CHST3: variants seen among roughly 807,000 people sequenced by gnomAD.
The protein encoded by CHST3 is carbohydrate sulfotransferase 3, also known as C6ST-1.
A neutral mutation model predicts 35.4 loss-of-function variants in CHST3; 20 were observed. That is an observed-to-expected ratio of 0.57 (90% CI 0.40 to 0.82). The LOEUF is 0.82. Among genes scored for constraint, CHST3 ranks in the 40% least tolerant of loss-of-function variants. The pLI, the probability that CHST3 is intolerant of heterozygous loss-of-function variation, is 0.00. For missense variants in CHST3, 693 were observed against 670.1 expected (o/e 1.03, Z -0.38); for synonymous variants, 334 against 295.9 (o/e 1.13, Z -1.32).
intron 1 of CHST3, among the ~76,000 whole-genome samples, chr10:71,968,571 C>T (rs1224541124): frequency 1.3e-5 from 2 of 152,174 alleles, no homozygotes; most frequent in Non-Finnish European, 2.9e-5. Flanking sequence ...CTCCAGAACC[C>T]ACCCTGTCTC....
rs373515105 is a variant in CHST3, at chr10:72,009,656, C to G, written c.*1185C>G. The G allele has an allele frequency of 5.2e-5, 8 of 152,420 alleles. No homozygotes were observed. Among genetic ancestry groups the G allele is most frequent in the Non-Finnish European group, 7.3e-5 (5 of 68,132 alleles). The allele number at this position is 152,420 out of a possible 1,614,324, so 9.4% of individuals were successfully genotyped here. ...GAGAAGTCCCACCAGGATGCCCCCC[C>G]TCCCCTGAGAAGCCCGCCTTCTCCC... On this transcript the variant is annotated 3_prime_UTR_variant, in exon 3 of 3. Coordinates refer to ENST00000373115, the MANE Select transcript of CHST3 (RefSeq NM_004273.5).
chr10:72,008,693 G>C lies in CHST3; in HGVS notation c.*222G>C. ...AGGGCCATCACACCCAGACCCAACG[G>C]GTTGCAGCCTCCTGAGCAGGCCTAG... On this transcript the variant is annotated 3_prime_UTR_variant, in exon 3 of 3. Transcript: ENST00000373115. 3 of 922,800 alleles carry C rather than the reference G, an allele frequency of 3.3e-6. No homozygotes were observed. The highest frequency in any genetic ancestry group is 4.6e-6 in the Non-Finnish European group (3 of 656,570). The allele number at this position is 922,800 out of a possible 1,614,324, so 57.2% of individuals were successfully genotyped here.
intron 1 of CHST3, among the ~76,000 whole-genome samples, chr10:71,969,659 G>C (rs4148911): frequency 0.7 from 107,255 of 152,160 alleles, 38,323 homozygotes; most frequent in African/African-American, 0.83. Context: ...AGGGGACACA[G>C]TGACCAGGAC....
At chr10:71,986,319 C>A (rs548792913) in intron 1 of CHST3, among the ~76,000 whole-genome samples, 2 of 152,242 alleles carry the variant, frequency 1.3e-5, no homozygotes, top group African/African-American at 4.8e-5. Flanking sequence ...CCAGGCCACA[C>A]CAATGCAATC....
At chr10:71,981,700 A>G (rs1395805238) in intron 1 of CHST3, among the ~76,000 whole-genome samples, 6 of 152,214 alleles carry the variant, frequency 3.9e-5, no homozygotes, top group African/African-American at 7.2e-5. Context: ...GTTCTGTCCA[A>G]TTCAACAGTC....
chr10:71,991,650 C>T (rs934984088), intron 1 of CHST3, among the ~76,000 whole-genome samples: 3 of 152,168 alleles, frequency 2.0e-5, no homozygotes, highest in South Asian at 2.1e-4. Flanking sequence ...TACATTTACA[C>T]GGCCGGGTGC....
At chr10:71,974,253 T>C (rs1367716698) in intron 1 of CHST3, among the ~76,000 whole-genome samples, 1 of 152,202 alleles carries the variant, frequency 6.6e-6, no homozygotes, top group Non-Finnish European at 1.5e-5. Context: ...GCACCTGCCA[T>C]GTGCCAGATT....
chr10:71,987,742 A>T (rs1839862543), intron 1 of CHST3, among the ~76,000 whole-genome samples: 1 of 150,094 alleles, frequency 6.7e-6, no homozygotes, highest in Non-Finnish European at 1.5e-5. Context: ...AAGACAGAGG[A>T]AATAGAAGTA....
chr10:71,976,823 G>A (rs1054368290), intron 1 of CHST3, among the ~76,000 whole-genome samples: 1 of 152,216 alleles, frequency 6.6e-6, no homozygotes, highest in East Asian at 1.9e-4. Flanking sequence ...TTGCCTCTAC[G>A]GATAGAAAAC....
chr10:72,007,580 C>T lies in CHST3; in HGVS notation c.549C>T (p.Gly183=), dbSNP rs771814734. 1.2e-5 allele frequency: 19 copies of T among 1,608,592 alleles called. No homozygotes were observed. Among genetic ancestry groups the T allele is most frequent in the Admixed American group, 6.7e-5 (4 of 59,932 alleles). Residue 183 remains glycine, a synonymous_variant, in exon 3 of 3, where the codon GGC becomes GGT. Coordinates refer to ENST00000373115, the MANE Select transcript of CHST3 (RefSeq NM_004273.5). ...AGCCGGGGGGCGCCAACGCCGCGGG[C>T]TCGGCCCTGGTGTACCGCGACGTGC... ...SFEPGGANAA[G]SALVYRDVLK...
rs546376145 is a variant in CHST3, at chr10:72,003,255, G to A, written c.-107-2481G>A. The stretch of plus-strand genomic sequence containing the variant: ...CAACCAGAGTGCAAGCCCCGGGAGG[G>A]CACAGACCATACCTGCTTGTTCACC... On this transcript the variant is annotated intron_variant, in intron 1 of 2. Coordinates refer to ENST00000373115, the MANE Select transcript of CHST3 (RefSeq NM_004273.5). 4.6e-5 allele frequency among the ~76,000 whole-genome samples: 7 copies of A among 152,292 alleles called. No individual in the cohort carries two copies. The East Asian group carries it at 1.3e-3, about 29-fold the overall frequency.
In CHST3 at chr10:72,012,171, C is replaced by G. The variant is rs1564534495; in HGVS notation, c.*3700C>G. 1 of 152,178 alleles carries G rather than the reference C, an allele frequency of 6.6e-6. No homozygotes were observed. The highest frequency in any genetic ancestry group is 2.4e-5 in the African/African-American group (1 of 41,430). The allele number at this position is 152,178 out of a possible 1,614,324, so 9.4% of individuals were successfully genotyped here. On this transcript the variant is annotated 3_prime_UTR_variant, in exon 3 of 3. Transcript: ENST00000373115. ...CAGCTGCTGACCAAACCCCACAGAA[C>G]AGAGGGCACCAGGCATCACACGACA... is the stretch of plus-strand genomic sequence containing the variant.
At chr10:71,983,694 A>G (rs557735250) in intron 1 of CHST3, among the ~76,000 whole-genome samples, 2 of 152,146 alleles carry the variant, frequency 1.3e-5, no homozygotes, top group South Asian at 4.2e-4. Context: ...CAAGTGATTC[A>G]CCTGCCTCGG....
intron 1 of CHST3, among the ~76,000 whole-genome samples, chr10:71,968,810 G>T (rs568626320): frequency 2.3e-4 from 35 of 152,136 alleles, no homozygotes; most frequent in African/African-American, 7.5e-4. Context: ...TGGAGATTTT[G>T]GGGGGGCACA....
At chr10:71,997,500 T>C (rs1405693884) in intron 1 of CHST3, among the ~76,000 whole-genome samples, 1 of 152,190 alleles carries the variant, frequency 6.6e-6, no homozygotes, top group African/African-American at 2.4e-5. Flanking sequence ...ACTGGGCTCC[T>C]GGCCTCCAGT....
intron 1 of CHST3, among the ~76,000 whole-genome samples, chr10:71,965,312 A>T (rs533442681): frequency 6.6e-6 from 1 of 152,356 alleles, no homozygotes; most frequent in African/African-American, 2.4e-5. Flanking sequence ...GGAGTGATTC[A>T]TAAACTCAGA....
intron 1 of CHST3, among the ~76,000 whole-genome samples, chr10:71,969,195 A>T (rs565041300): frequency 1.1e-4 from 16 of 152,314 alleles, no homozygotes; most frequent in African/African-American, 3.6e-4. Context: ...CCACACGCTC[A>T]TCTGGTCCCC....
chr10:71,986,176 G>A (rs1405246261), intron 1 of CHST3, among the ~76,000 whole-genome samples: 4 of 152,240 alleles, frequency 2.6e-5, no homozygotes, highest in African/African-American at 9.6e-5. Flanking sequence ...TAGCTAGTGT[G>A]TGTGCAGGCA....
chr10:71,991,906 G>C (rs1839900039), intron 1 of CHST3, among the ~76,000 whole-genome samples: 1 of 149,858 alleles, frequency 6.7e-6, no homozygotes, highest in African/African-American at 2.5e-5. Context: ...TTGCACTCCA[G>C]CCTGGGCAAC....
Sources: gnomAD v4.1 joint callset for allele counts (sites outside exome capture counted in the v4.1 genomes callset) on GRCh38, gnomAD v4.1.1 for gene constraint, MANE v1.5 for transcripts, NCBI Gene and HGNC (gene_info 2026-07-23, HGNC 2026-07-21) for gene names.